The following PCDH15 variants were observed in gnomAD, a reference collection of about 807,000 sequenced individuals.
The protein encoded by PCDH15 is protocadherin related 15.
A neutral mutation model predicts 178.5 loss-of-function variants in PCDH15; 129 were observed. That is an observed-to-expected ratio of 0.72 (90% CI 0.63 to 0.84). The LOEUF is 0.84. Ranked by LOEUF, PCDH15 falls within the 40% of genes least tolerant of loss-of-function variation. The pLI is 0.00. For synonymous variants in PCDH15, 800 were observed against 732.0 expected, an observed-to-expected ratio of 1.09 and a Z score of -1.50; for missense variants, 2,230 against 2,099.9, an observed-to-expected ratio of 1.06 and a Z score of -1.21.
chr10:54,622,843 C>T (rs1467059314), intron 2 of PCDH15, among the ~76,000 whole-genome samples: 1 of 121,472 alleles, frequency 8.2e-6, no homozygotes, highest in East Asian at 2.5e-4. Flanking sequence ...TGTCTGTGAG[C>T]TCCTTTCTGT....
At chr10:55,543,291 A>G (rs1183563117) in intron 2 of PCDH15, among the ~76,000 whole-genome samples, 1 of 146,904 alleles carries the variant, frequency 6.8e-6, no homozygotes, top group East Asian at 2.0e-4. Context: ...TGCTTAGTAA[A>G]TGACAGAGAA....
intron 3 of PCDH15, among the ~76,000 whole-genome samples, chr10:54,504,830 C>T (rs990335169): frequency 1.3e-5 from 2 of 152,148 alleles, no homozygotes; most frequent in Middle Eastern, 3.4e-3. Flanking sequence ...TCTCTCTGTA[C>T]TCTCTCTGTA....
intron 26 of PCDH15, among the ~76,000 whole-genome samples, chr10:53,879,574 A>G (rs1214891485): frequency 6.6e-6 from 1 of 152,224 alleles, no homozygotes; most frequent in Non-Finnish European, 1.5e-5. Context: ...AAGGTATACC[A>G]TTCATAAATA....
intron 6 of PCDH15, among the ~76,000 whole-genome samples, chr10:54,345,315 G>C (rs894159418): frequency 2.6e-5 from 4 of 151,996 alleles, no homozygotes. Flanking sequence ...TTGCTTGTCT[G>C]TCTAAAGTTT....
intron 1 of PCDH15, among the ~76,000 whole-genome samples, chr10:55,318,710 A>T (rs1396313702): frequency 1.3e-5 from 2 of 152,168 alleles, no homozygotes; most frequent in Non-Finnish European, 2.9e-5. Context: ...TTGAAAGTAT[A>T]ATATCCCAAA....
chr10:54,507,909 T>C (rs1490838508), intron 3 of PCDH15, among the ~76,000 whole-genome samples: 1 of 152,010 alleles, frequency 6.6e-6, no homozygotes, highest in Non-Finnish European at 1.5e-5. Flanking sequence ...AGCACAAATA[T>C]TATGTTTAAA....
chr10:53,842,138 C>A (rs1285914051), intron 28 of PCDH15, among the ~76,000 whole-genome samples: 1 of 152,096 alleles, frequency 6.6e-6, no homozygotes, highest in Non-Finnish European at 1.5e-5. Flanking sequence ...GTAGGAGGCA[C>A]AAACAATAAT....
At chr10:54,450,260 A>T (rs1571932) in intron 3 of PCDH15, among the ~76,000 whole-genome samples, 63,226 of 150,130 alleles carry the variant, frequency 0.42, 14,662 homozygotes, top group Middle Eastern at 0.57. Flanking sequence ...CGTCATTTAC[A>T]TTACTTTTTC....
chr10:54,923,870 G>A (rs528184178), intron 2 of PCDH15, among the ~76,000 whole-genome samples: 2 of 137,676 alleles, frequency 1.5e-5, no homozygotes, highest in African/African-American at 2.5e-5. Flanking sequence ...CCCTCCAAAC[G>A]ATTCCAACCT....
At chr10:54,584,533 T>A (rs534801452) in intron 2 of PCDH15, among the ~76,000 whole-genome samples, 1 of 152,148 alleles carries the variant, frequency 6.6e-6, no homozygotes, top group Admixed American at 6.6e-5. Context: ...CCTAAATCTA[T>A]CCAGGGTAAT....
chr10:54,143,973 A>G (rs1447267174), intron 14 of PCDH15, among the ~76,000 whole-genome samples: 3 of 151,946 alleles, frequency 2.0e-5, no homozygotes, highest in African/African-American at 4.8e-5. Context: ...TAGGTCCTAT[A>G]TAAACAATGA....
chr10:54,344,456 G>C (rs1199153639), intron 6 of PCDH15, among the ~76,000 whole-genome samples: 1 of 152,012 alleles, frequency 6.6e-6, no homozygotes, highest in Admixed American at 6.6e-5. Context: ...CAGAAAGATA[G>C]TTTAAAGTAA....
chr10:54,872,064 T>G (rs551390874), intron 3 of PCDH15, among the ~76,000 whole-genome samples: 2 of 152,082 alleles, frequency 1.3e-5, no homozygotes, highest in Non-Finnish European at 2.9e-5. Context: ...CAAGTGGTTA[T>G]ATTTAAGAAG....
chr10:54,931,695 T>C (rs1837780759), intron 2 of PCDH15, among the ~76,000 whole-genome samples: 1 of 152,238 alleles, frequency 6.6e-6, no homozygotes, highest in Non-Finnish European at 1.5e-5. Flanking sequence ...TTGGTGATTG[T>C]ACTGCCTTTT....
chr10:54,655,431 GTGTGTGTGTGTGT>G (rs2094383447), intron 2 of PCDH15: 2 of 24,510 alleles, frequency 8.2e-5, no homozygotes, highest in African/African-American at 4.4e-4. Flanking sequence ...GTGGTGGGGT[GTGTGTGTGTGTGT>G]GTGTGTGTGT....
At chr10:54,561,641 G>T (rs1383163916) in intron 2 of PCDH15, among the ~76,000 whole-genome samples, 2 of 151,964 alleles carry the variant, frequency 1.3e-5, no homozygotes, top group African/African-American at 2.4e-5. Flanking sequence ...CACTTCCTAG[G>T]TTTCATAATC....
chr10:55,499,447 ACACAC>A (rs1840607004), intron 2 of PCDH15, among the ~76,000 whole-genome samples: 4 of 148,848 alleles, frequency 2.7e-5, no homozygotes, highest in African/African-American at 1.0e-4. Flanking sequence ...ACACACACAC[ACACAC>A]AAATAATGTT....
intron 8 of PCDH15, among the ~76,000 whole-genome samples, chr10:54,276,663 T>A (rs1419019310): frequency 9.0e-6 from 1 of 111,014 alleles, no homozygotes; most frequent in Admixed American, 8.9e-5. Context: ...TGCAACATTT[T>A]AAAATTCAAT....
At chr10:54,577,932 T>C (rs2090670463) in intron 2 of PCDH15, among the ~76,000 whole-genome samples, 1 of 152,048 alleles carries the variant, frequency 6.6e-6, no homozygotes, top group African/African-American at 2.4e-5. Flanking sequence ...GTTCCCCTTA[T>C]CCCTGATGAG....
Sources: gnomAD v4.1 joint callset for allele counts (sites outside exome capture counted in the v4.1 genomes callset) on GRCh38, gnomAD v4.1.1 for gene constraint, MANE v1.5 for transcripts, NCBI Gene and HGNC (gene_info 2026-07-23, HGNC 2026-07-21) for gene names.